Variants in LVRN observed in about 807,000 individuals in gnomAD.
LVRN encodes the protein aminopeptidase Q.
Under a neutral mutation model 111.4 loss-of-function variants are expected in LVRN, and 99 were observed. The ratio of observed to expected loss-of-function variants is 0.89; its 90% confidence interval spans 0.76 to 1.05. The LOEUF is 1.05. LVRN is among the 50% of genes least tolerant of loss of function. The pLI is 0.00. For missense variants in LVRN, 1,414 were observed against 1,206.8 expected (o/e 1.17, Z -2.54); for synonymous variants, 488 against 449.5 (o/e 1.09, Z -1.08).
At chr5:115,989,041 G>C (rs576073053) in intron 4 of LVRN, among the ~76,000 whole-genome samples, 62 of 152,074 alleles carry the variant, frequency 4.1e-4, no homozygotes, top group African/African-American at 1.3e-3. Context: ...TGTCCCCCTA[G>C]TTCTCCCTAG....
intron 1 of LVRN, chr5:115,974,996 G>A (rs1753409728): frequency 2.6e-6 from 1 of 379,932 alleles, no homozygotes; most frequent in Non-Finnish European, 5.2e-6. Context: ...GTCTCTGGGT[G>A]AAATAAGATC....
intron 5 of LVRN, 53 bp downstream of exon 5, chr5:115,992,330 C>A: frequency 6.3e-7 from 1 of 1,596,536 alleles, no homozygotes; most frequent in Non-Finnish European, 8.6e-7. Flanking sequence ...TCCAGGTGCG[C>A]TACCAAAATA....
chr5:116,024,180 A>C (rs957467985), intron 19 of LVRN, among the ~76,000 whole-genome samples: 2 of 152,176 alleles, frequency 1.3e-5, no homozygotes, highest in African/African-American at 4.8e-5. Flanking sequence ...ACAGTGGTCA[A>C]AATTCATTGA....
intron 6 of LVRN, among the ~76,000 whole-genome samples, chr5:115,996,622 C>T (rs573337023): frequency 1.3e-5 from 2 of 152,184 alleles, no homozygotes; most frequent in East Asian, 3.9e-4. Flanking sequence ...TTTTCTATTT[C>T]GAGGTCTAAT....
intron 1 of LVRN, among the ~76,000 whole-genome samples, chr5:115,980,388 C>G (rs913848364): frequency 6.6e-6 from 1 of 151,610 alleles, no homozygotes; most frequent in Non-Finnish European, 1.5e-5. Flanking sequence ...TAGGGATTTT[C>G]CCCTAACTTT....
At chr5:115,976,704 A>T (rs944192894) in intron 1 of LVRN, among the ~76,000 whole-genome samples, 3 of 152,180 alleles carry the variant, frequency 2.0e-5, no homozygotes, top group Non-Finnish European at 4.4e-5. Context: ...TGTGTTATTT[A>T]GAACTGCATT....
intron 13 of LVRN, 61 bp from the exon 14 acceptor site, chr5:116,010,680 C>A: frequency 6.6e-7 from 1 of 1,519,710 alleles, no homozygotes; most frequent in Non-Finnish European, 9.0e-7. Flanking sequence ...AAATATCGAA[C>A]GTATGCAAAT....
At chr5:115,993,610 GT>G (rs1334361543) in intron 5 of LVRN, 130 bp from the exon 6 acceptor site, 3 of 625,114 alleles carry the variant, frequency 4.8e-6, no homozygotes, top group Non-Finnish European at 8.3e-6. Context: ...CTGTCTTCAA[GT>G]TTTGTTATTG....
chr5:116,008,474 G>T (rs1748422419), intron 13 of LVRN, among the ~76,000 whole-genome samples: 1 of 152,180 alleles, frequency 6.6e-6, no homozygotes, highest in African/African-American at 2.4e-5. Context: ...ATTAAGTTTA[G>T]TGAGGAAGGC....
intron 1 of LVRN, among the ~76,000 whole-genome samples, chr5:115,967,600 T>C (rs1753229720): frequency 6.6e-6 from 1 of 152,212 alleles, no homozygotes; most frequent in Admixed American, 6.5e-5. Context: ...CCTTTCTTTA[T>C]ATATTTTATG....
At chr5:116,016,544 C>G (rs185116563) in intron 18 of LVRN, among the ~76,000 whole-genome samples, 1 of 152,164 alleles carries the variant, frequency 6.6e-6, no homozygotes, top group East Asian at 1.9e-4. Flanking sequence ...ATGCTACTTA[C>G]GAAGATGGGG....
Position 115,968,844 on chromosome 5 carries a change from G to T in LVRN, c.695+5532G>T, listed in dbSNP as rs116175299. ...GCAAGTGTGACTGAGAAAGGAAGGA[G>T]GCTAAGCTGGGATATGCAATTAAAC... On this transcript the variant is annotated intron_variant, in intron 1 of 19. Coordinates refer to ENST00000357872, the MANE Select transcript of LVRN (RefSeq NM_173800.5). Among the ~76,000 whole-genome samples, 221 of 152,288 alleles carry T rather than the reference G, an allele frequency of 1.5e-3. 1 individual carries two copies. The highest frequency in any genetic ancestry group is 4.7e-3 in the African/African-American group (194 of 41,560).
chr5:116,004,852 T>C (rs1036422889), intron 12 of LVRN, among the ~76,000 whole-genome samples: 1 of 152,204 alleles, frequency 6.6e-6, no homozygotes, highest in African/African-American at 2.4e-5. Flanking sequence ...CCTGACACAA[T>C]TCAGGGATTC....
At chr5:115,993,917 A>T in intron 6 of LVRN, 63 bp downstream of exon 6, 4 of 928,606 alleles carry the variant, frequency 4.3e-6, no homozygotes, top group Non-Finnish European at 6.4e-6. Flanking sequence ...ATGCATATTC[A>T]TTCTTGAAAA....
rs201769044 is a variant in LVRN, at chr5:115,987,034, C to CT, written c.979-768dup. Among the ~76,000 whole-genome samples the CT allele has an allele frequency of 4.5e-3, 658 of 146,754 alleles. 2 individuals carry two copies. Among genetic ancestry groups the CT allele is most frequent in the Middle Eastern group, 0.011 (3 of 278 alleles). ...TGGCAATTCTATTAAAAATTACTTA[C>CT]TTTTTTTTTTTAGAGTTTACAATAC... is the stretch of plus-strand genomic sequence containing the variant. On this transcript the variant is annotated intron_variant, in intron 3 of 19. Transcript: ENST00000357872.
At position 116,010,746 on chromosome 5, in the gene LVRN, A is replaced by G; in HGVS notation, c.2099A>G (p.Asn700Ser). The G allele has an allele frequency of 6.3e-7, 1 of 1,594,000 alleles. No homozygotes were observed. Among genetic ancestry groups the G allele is most frequent in the South Asian group, 1.1e-5 (1 of 87,784 alleles). The change falls in exon 14 of 20, where the codon AAT (asparagine) becomes AGT (serine). Residue 700 changes from asparagine to serine, a missense_variant. Physicochemically the swap from Asn to Ser is conservative, Grantham distance 46 (BLOSUM62 1). Coordinates refer to ENST00000357872, the MANE Select transcript of LVRN (RefSeq NM_173800.5). ...TGTGTTTTTAAATCAAACAGAAACA[A>G]TTATATTGAGATTGAAACAGCACTT... is the stretch of plus-strand genomic sequence containing the variant. ...IDDAFSLSKNNYIEIETALEL... is the reference protein window; with the variant it reads ...IDDAFSLSKNSYIEIETALEL...
At chr5:115,989,208 G>T (rs1747930957) in intron 4 of LVRN, among the ~76,000 whole-genome samples, 1 of 152,058 alleles carries the variant, frequency 6.6e-6, no homozygotes, top group Non-Finnish European at 1.5e-5. Context: ...TTTCCCTGAG[G>T]GTTAAGTCCG....
At chr5:116,017,444 A>G (rs958779106) in intron 18 of LVRN, among the ~76,000 whole-genome samples, 1 of 152,236 alleles carries the variant, frequency 6.6e-6, no homozygotes, top group African/African-American at 2.4e-5. Flanking sequence ...GAATCGGGGC[A>G]TGGGGATAGA....
At position 115,983,329 on chromosome 5, in the gene LVRN, T is replaced by C; in HGVS notation, c.738T>C (p.Tyr246=). ...ASQLEPTFAR[Y]VFPCFDEPAL... ...AGCTGGAACCAACATTTGCCAGGTA[T>C]GTTTTCCCTTGTTTTGATGAGCCAG... The change falls in exon 2 of 20, where the codon TAT becomes TAC. Residue 246 remains tyrosine, a synonymous_variant. Transcript: ENST00000357872. 1 of 1,610,230 alleles carries C rather than the reference T, an allele frequency of 6.2e-7. No individual in the cohort carries two copies.
Sources: gnomAD v4.1 joint callset for allele counts (sites outside exome capture counted in the v4.1 genomes callset) on GRCh38, gnomAD v4.1.1 for gene constraint, MANE v1.5 for transcripts, NCBI Gene and HGNC (gene_info 2026-07-23, HGNC 2026-07-21) for gene names.